TMEM232: variants seen among roughly 807,000 people sequenced by gnomAD.
The protein encoded by TMEM232 is transmembrane protein 232.
A neutral mutation model predicts 78.8 loss-of-function variants in TMEM232; 80 were observed. The observed-to-expected ratio is 1.01, with a 90% CI of 0.85 to 1.22. The LOEUF is 1.22. Among genes scored for constraint, TMEM232 ranks in the 50% most tolerant of loss-of-function variants. The pLI is 0.00. For missense variants in TMEM232, 881 were observed against 742.2 expected, an observed-to-expected ratio of 1.19 and a Z score of -2.17; for synonymous variants, 297 against 254.3, an observed-to-expected ratio of 1.17 and a Z score of -1.60.
At chr5:110,415,715 G>T, downstream of TMEM232, among the ~76,000 whole-genome samples, 1 of 151,922 alleles carries the variant, frequency 6.6e-6, no homozygotes, top group Middle Eastern at 3.4e-3. Flanking sequence ...GAGATTAACC[G>T]ATTGGTTTGT....
At chr5:110,524,248 G>A (rs1274544752) in intron 12 of TMEM232, among the ~76,000 whole-genome samples, 5 of 124,672 alleles carry the variant, frequency 4.0e-5, no homozygotes, top group African/African-American at 1.1e-4. Context: ...GCGTCAGAAC[G>A]AGACTCAGTC....
intron 12 of TMEM232, among the ~76,000 whole-genome samples, chr5:110,519,579 C>A (rs1769193295): frequency 6.6e-6 from 1 of 151,610 alleles, no homozygotes; most frequent in Admixed American, 6.6e-5. Flanking sequence ...CTCAAAAAAA[C>A]AAAAACAAAA....
At chr5:110,436,566 C>A (rs1225564236) in intron 12 of TMEM232, among the ~76,000 whole-genome samples, 1 of 151,938 alleles carries the variant, frequency 6.6e-6, no homozygotes, top group East Asian at 1.9e-4. Flanking sequence ...TCAATGTTTT[C>A]TGTTAGTAAT....
At chr5:110,510,899 A>T (rs1767645657) in intron 12 of TMEM232, among the ~76,000 whole-genome samples, 1 of 152,226 alleles carries the variant, frequency 6.6e-6, no homozygotes. Flanking sequence ...TTCCTCAAGG[A>T]TCTAGAATCA....
At chr5:110,450,833 TCTC>T (rs1463520929) in intron 12 of TMEM232, among the ~76,000 whole-genome samples, 1 of 152,168 alleles carries the variant, frequency 6.6e-6, no homozygotes, top group Non-Finnish European at 1.5e-5. Context: ...TTCTACTAGT[TCTC>T]ATCAAAAGAG....
intron 12 of TMEM232, among the ~76,000 whole-genome samples, chr5:110,509,843 A>T (rs1047010130): frequency 6.6e-6 from 1 of 152,178 alleles, no homozygotes; most frequent in Non-Finnish European, 1.5e-5. Context: ...ATTTTAGGAA[A>T]GCCTTTATCT....
intron 12 of TMEM232, among the ~76,000 whole-genome samples, chr5:110,486,214 A>G (rs1764450947): frequency 1.3e-5 from 2 of 151,340 alleles, no homozygotes; most frequent in African/African-American, 4.9e-5. Context: ...GATTCTGGAT[A>G]TTAGTCCTTT....
At chr5:110,545,627 G>A (rs1773673489) in intron 11 of TMEM232, among the ~76,000 whole-genome samples, 1 of 151,934 alleles carries the variant, frequency 6.6e-6, no homozygotes. Context: ...TAATACTGTT[G>A]TTTCTTCTGT....
At chr5:110,715,525 G>C (rs1796926135) in intron 1 of TMEM232, among the ~76,000 whole-genome samples, 1 of 152,156 alleles carries the variant, frequency 6.6e-6, no homozygotes, top group Non-Finnish European at 1.5e-5. Context: ...GAAGCTTCTT[G>C]ATATAAAATA....
chr5:110,394,272 A>C (rs529446540), intron 3 of TMEM232, among the ~76,000 whole-genome samples: 2 of 152,286 alleles, frequency 1.3e-5, no homozygotes, highest in Admixed American at 1.3e-4. Flanking sequence ...TGCAGTTGCA[A>C]ATATCAAGAT....
chr5:110,709,036 A>G (rs913839616), intron 1 of TMEM232, among the ~76,000 whole-genome samples: 2 of 152,196 alleles, frequency 1.3e-5, no homozygotes, highest in African/African-American at 4.8e-5. Flanking sequence ...AGAGATGGAA[A>G]AAAGATATTC....
chr5:110,618,484 T>C lies in TMEM232; in HGVS notation c.847A>G (p.Asn283Asp). 5.2e-6 allele frequency: 8 copies of C among 1,551,776 alleles called. 1 individual carries two copies. The highest frequency in any genetic ancestry group is 7.0e-6 in the Non-Finnish European group (8 of 1,146,890). ...AAGACGAGATGTTCAAGCACGTTAT[T>C]CAACTGAGGACTGTTATTCTGAACA... is the stretch of plus-strand genomic sequence containing the variant. ...SCVQNNSPQL[N>D]NVLEHLVFHK... Residue 283 changes from asparagine (N) to aspartate (D), a missense_variant, in exon 8 of 14, where the codon AAT (asparagine) becomes GAT (aspartate). Physicochemically the swap from Asn to Asp is conservative, Grantham distance 23. Transcript: ENST00000455884.
chr5:110,633,876 A>G (rs1318361287), intron 5 of TMEM232, among the ~76,000 whole-genome samples: 1 of 152,186 alleles, frequency 6.6e-6, no homozygotes, highest in Non-Finnish European at 1.5e-5. Context: ...AAACAGAATA[A>G]ATTCTTCACT....
intron 1 of TMEM232, chr5:110,684,667 A>C (rs1793170670): frequency 6.6e-6 from 1 of 152,146 alleles, no homozygotes; most frequent in Admixed American, 6.6e-5. Flanking sequence ...AAATTTAGCA[A>C]AGCTATAGAA....
Position 110,419,630 on chromosome 5 carries a change from G to A in TMEM232, c.*950C>T, listed in dbSNP as rs1210690693. ...TGGGAAATTTCTCTATATGGGATAGGTATTCCTTAGCCGGCTTCACTAATT... is the reference window on the plus strand; with the variant it reads ...TGGGAAATTTCTCTATATGGGATAGATATTCCTTAGCCGGCTTCACTAATT... On this transcript the variant is annotated 3_prime_UTR_variant, in exon 14 of 14. Coordinates refer to ENST00000455884, the MANE Select transcript of TMEM232 (RefSeq NM_001039763.4). Among the ~76,000 whole-genome samples, 1 of 152,046 alleles carries A rather than the reference G, an allele frequency of 6.6e-6. No homozygotes were observed. The highest frequency in any genetic ancestry group is 1.5e-5 in the Non-Finnish European group (1 of 67,944).
At chr5:110,634,720 T>C (rs1345014405) in intron 5 of TMEM232, among the ~76,000 whole-genome samples, 2 of 152,148 alleles carry the variant, frequency 1.3e-5, no homozygotes, top group African/African-American at 2.4e-5. Flanking sequence ...AGGGTGTTTA[T>C]AGCAATAAAT....
chr5:110,396,516 G>C (rs1410944098), intron 3 of TMEM232, among the ~76,000 whole-genome samples: 1 of 152,150 alleles, frequency 6.6e-6, no homozygotes, highest in East Asian at 1.9e-4. Flanking sequence ...AGAGATGTGA[G>C]GTATGTTTTG....
chr5:110,459,630 G>A (rs1290318511), intron 12 of TMEM232, among the ~76,000 whole-genome samples: 1 of 152,046 alleles, frequency 6.6e-6, no homozygotes, highest in Non-Finnish European at 1.5e-5. Context: ...AACATCAATG[G>A]ATATTACACT....
At chr5:110,654,980 G>A (rs149076776) in intron 2 of TMEM232, among the ~76,000 whole-genome samples, 2,058 of 152,240 alleles carry the variant, frequency 0.014, 19 homozygotes, top group Middle Eastern at 0.037. Flanking sequence ...TTATGATTCA[G>A]GACATAGGCA....
Sources: allele counts gnomAD v4.1 joint callset (sites outside exome capture counted in the v4.1 genomes callset), GRCh38; gene constraint gnomAD v4.1.1; transcripts MANE v1.5; gene names NCBI Gene and HGNC (gene_info 2026-07-23, HGNC 2026-07-21).